CNTN6: variants seen among roughly 807,000 people sequenced by gnomAD.
CNTN6 encodes the protein contactin 6.
A neutral mutation model predicts 122.8 loss-of-function variants in CNTN6; 137 were observed. The observed-to-expected ratio is 1.12, with a 90% CI of 0.97 to 1.29. CNTN6 has a LOEUF of 1.29. Among genes scored for constraint, CNTN6 ranks in the 50% most tolerant of loss-of-function variants. The pLI is 0.00. For synonymous variants in CNTN6, 570 were observed against 426.0 expected (o/e 1.34, Z -4.16); for missense variants, 1,634 against 1,223.4 (o/e 1.34, Z -5.01).
rs560181832 is a variant in CNTN6 at position 1,369,415 on chromosome 3, A to G, written c.1493-2884A>G. Among the ~76,000 whole-genome samples, 8 of 132,518 alleles carry G rather than the reference A, an allele frequency of 6.0e-5. No individual in the cohort carries two copies. In the South Asian group the frequency reaches 1.6e-3, roughly 27 times the overall value. 86.9% of individuals were successfully genotyped at this position (132,518 alleles called of 152,430 possible). A position where few individuals can be genotyped will look rare whatever the true frequency, so the allele number is the denominator to read the frequency against. Reference sequence around the variant, plus strand: ...TTTTTTTTTCCTCATTTTCTTCCCTATCTTGACTCCAGTACTTAGCATAGG... The same window carrying G: ...TTTTTTTTTCCTCATTTTCTTCCCTGTCTTGACTCCAGTACTTAGCATAGG... On this transcript the variant is annotated intron_variant, in intron 12 of 22. Coordinates refer to ENST00000446702, the MANE Select transcript of CNTN6 (RefSeq NM_001289080.2).
At chr3:1,157,221 A>AT in intron 2 of CNTN6, among the ~76,000 whole-genome samples, 1 of 108,990 alleles carries the variant, frequency 9.2e-6, no homozygotes, top group Non-Finnish European at 1.9e-5. Flanking sequence ...TATTTATTTA[A>AT]TTTATTTATT....
chr3:1,109,192 G>A (rs2091362967), intron 1 of CNTN6, among the ~76,000 whole-genome samples: 1 of 151,972 alleles, frequency 6.6e-6, no homozygotes, highest in Admixed American at 6.6e-5. Flanking sequence ...TGAGCACTGG[G>A]GCTCTAAGGG....
In CNTN6 at chr3:1,300,710, A is replaced by G. The variant is rs371094984; in HGVS notation, c.761+2719A>G. ...ATTTATTTTTATATTATTCAAACCT[A>G]TAGAAAAGTTGAAAGAGTAACACAC... On this transcript the variant is annotated intron_variant, in intron 7 of 22. Coordinates refer to ENST00000446702, the MANE Select transcript of CNTN6 (RefSeq NM_001289080.2). Among the ~76,000 whole-genome samples the G allele has an allele frequency of 3.9e-5, 6 of 152,166 alleles. No homozygotes were observed. In the East Asian group the frequency reaches 1.2e-3, roughly 29 times the overall value.
intron 8 of CNTN6, among the ~76,000 whole-genome samples, chr3:1,324,065 C>A (rs1445312298): frequency 2.7e-5 from 4 of 149,410 alleles, no homozygotes; most frequent in Non-Finnish European, 5.9e-5. Context: ...GTTAATAATA[C>A]CCAGAAACAT....
At chr3:1,299,278 T>C (rs955672762) in intron 7 of CNTN6, among the ~76,000 whole-genome samples, 2 of 152,164 alleles carry the variant, frequency 1.3e-5, no homozygotes, top group African/African-American at 4.8e-5. Context: ...TTCAGGCTTT[T>C]TCAGAAGTTA....
chr3:1,355,115 A>G (rs576302909), intron 12 of CNTN6, among the ~76,000 whole-genome samples: 2 of 151,780 alleles, frequency 1.3e-5, no homozygotes, highest in African/African-American at 2.4e-5. Context: ...AAATTTTGCT[A>G]TATTTTAACC....
intron 4 of CNTN6, among the ~76,000 whole-genome samples, chr3:1,277,424 A>G (rs187366537): frequency 7.5e-4 from 96 of 127,502 alleles, no homozygotes; most frequent in African/African-American, 2.5e-3. Context: ...CAGTGGCGCA[A>G]TCTCGGCTCA....
chr3:1,318,358 T>C (rs745939944), intron 7 of CNTN6, among the ~76,000 whole-genome samples: 49 of 151,842 alleles, frequency 3.2e-4, no homozygotes, highest in East Asian at 3.9e-4. Flanking sequence ...TTCAATTCTC[T>C]AGACTTCCAT....
chr3:1,254,845 G>A (rs2094726672), intron 4 of CNTN6, among the ~76,000 whole-genome samples: 1 of 151,984 alleles, frequency 6.6e-6, no homozygotes, highest in South Asian at 2.1e-4. Flanking sequence ...CTGAAACAAA[G>A]CATGAAAAAA....
intron 20 of CNTN6, among the ~76,000 whole-genome samples, chr3:1,388,421 T>C (rs1311724154): frequency 1.3e-5 from 2 of 150,612 alleles, no homozygotes; most frequent in African/African-American, 4.9e-5. Flanking sequence ...TACATCACCA[T>C]CATCAAAGAC....
At chr3:1,213,951 C>G (rs1210851358) in intron 2 of CNTN6, among the ~76,000 whole-genome samples, 1 of 151,968 alleles carries the variant, frequency 6.6e-6, no homozygotes, top group Admixed American at 6.6e-5. Context: ...TATCTATAGA[C>G]TTTTTGCTGT....
In CNTN6 at chr3:1,213,879, A is replaced by G. The variant is rs181697013; in HGVS notation, c.56-6808A>G. On this transcript the variant is annotated intron_variant, in intron 2 of 22. Transcript: ENST00000446702. ...AAAAGATACAATGAATGATACAAAG[A>G]GGTCAGAGTGCCTTTGTTTGTAAAT... 1.1e-3 allele frequency among the ~76,000 whole-genome samples: 162 copies of G among 152,250 alleles called. 2 individuals carry two copies. The highest frequency in any genetic ancestry group is 3.8e-3 in the African/African-American group (158 of 41,588).
intron 2 of CNTN6, among the ~76,000 whole-genome samples, chr3:1,176,518 G>T (rs924914604): frequency 1.3e-5 from 2 of 152,098 alleles, no homozygotes; most frequent in African/African-American, 4.8e-5. Flanking sequence ...AGAAATATTA[G>T]CCACAAAGAT....
rs1359972906 is a variant in CNTN6 at position 1,198,735 on chromosome 3, A to AGAAAGAAAGAAAAGAAAAAATGCTG, written c.56-21952_56-21951insGAAAGAAAGAAAAGAAAAAATGCTG. On this transcript the variant is annotated intron_variant, in intron 2 of 22. Coordinates refer to ENST00000446702, the MANE Select transcript of CNTN6 (RefSeq NM_001289080.2). ...GAAACTGTCTCAAACAAAAAAAAAA[A>AGAAAGAAAGAAAAGAAAAAATGCTG]AGAAAGAAAGAAAAGAAAAAATGCT... is the stretch of plus-strand genomic sequence containing the variant. 3.6e-4 allele frequency among the ~76,000 whole-genome samples: 54 copies of AGAAAGAAAGAAAAGAAAAAATGCTG among 152,070 alleles called. No homozygotes were observed. The South Asian group carries it at 0.011, about 31-fold the overall frequency.
chr3:1,316,442 C>T (rs371206208), intron 7 of CNTN6, among the ~76,000 whole-genome samples: 4 of 151,892 alleles, frequency 2.6e-5, no homozygotes, highest in African/African-American at 9.6e-5. Flanking sequence ...TTTAAACAAC[C>T]ATATCTCACA....
chr3:1,117,824 C>A (rs1048892365), intron 1 of CNTN6, among the ~76,000 whole-genome samples: 1 of 152,184 alleles, frequency 6.6e-6, no homozygotes, highest in Non-Finnish European at 1.5e-5. Flanking sequence ...ATACCAGGTT[C>A]TCCATCCCTT....
Position 1,207,201 on chromosome 3 carries a change from T to C in CNTN6, c.56-13486T>C, listed in dbSNP as rs115768495. Among the ~76,000 whole-genome samples, 574 of 152,156 alleles carry C rather than the reference T, an allele frequency of 3.8e-3. 1 individual carries two copies. Among genetic ancestry groups the C allele is most frequent in the African/African-American group, 0.013 (553 of 41,522 alleles). ...CCCCAGCACAAGCCAGCTGTTCTAC[T>C]TGAGTGTTTTCTCTCCCCAGAAAAT... On this transcript the variant is annotated intron_variant, in intron 2 of 22. Coordinates refer to ENST00000446702, the MANE Select transcript of CNTN6 (RefSeq NM_001289080.2).
At chr3:1,391,664 T>A (rs1694168151) in intron 20 of CNTN6, among the ~76,000 whole-genome samples, 1 of 151,378 alleles carries the variant, frequency 6.6e-6, no homozygotes, top group Non-Finnish European at 1.5e-5. Flanking sequence ...CCCCATTGTC[T>A]CAGCCCAAAA....
intron 7 of CNTN6, among the ~76,000 whole-genome samples, chr3:1,315,552 A>G (rs557467501): frequency 1.4e-4 from 21 of 152,062 alleles, no homozygotes; most frequent in Admixed American, 4.6e-4. Flanking sequence ...CAGATGGCAT[A>G]TGGAAGCCAT....
Sources: allele counts gnomAD v4.1 joint callset (sites outside exome capture counted in the v4.1 genomes callset), GRCh38; gene constraint gnomAD v4.1.1; transcripts MANE v1.5; gene names NCBI Gene and HGNC (gene_info 2026-07-23, HGNC 2026-07-21).